Variants in RAB8B observed in about 807,000 individuals in gnomAD.
RAB8B encodes the protein RAB8B, member RAS oncogene family.
A neutral mutation model predicts 32.0 loss-of-function variants in RAB8B; 11 were observed. The ratio of observed to expected loss-of-function variants is 0.34; its 90% CI spans 0.22 to 0.57. The LOEUF (loss-of-function observed/expected upper bound fraction) is 0.57, where lower values mean the gene tolerates loss of function less well. Among genes scored for constraint, RAB8B ranks in the 20% least tolerant of loss-of-function variants. The pLI is 0.86. For missense variants in RAB8B, 190 were observed against 258.5 expected, an observed-to-expected ratio of 0.73 and a Z score of 1.82; for synonymous variants, 103 against 89.6, an observed-to-expected ratio of 1.15 and a Z score of -0.85.
rs2037536145 is a variant in RAB8B, at chr15:63,189,624, G to T, written c.-1G>T. ...CCCGGTCAGAGGGCCGGAGCGAGAA[G>T]ATGGCGAAGACGTACGATTATCTCT... On this transcript the variant is annotated 5_prime_UTR_variant, in exon 1 of 8. Transcript: ENST00000321437. 6.2e-7 allele frequency: 1 copy of T among 1,613,632 alleles called. No individual in the cohort carries two copies. The highest frequency in any genetic ancestry group is 1.3e-5 in the African/African-American group (1 of 74,922).
intron 1 of RAB8B, among the ~76,000 whole-genome samples, chr15:63,218,924 A>G (rs1567012513): frequency 6.6e-6 from 1 of 151,266 alleles, no homozygotes; most frequent in East Asian, 1.9e-4. Flanking sequence ...AGGGGCAGCT[A>G]TATACAAGAC....
chr15:63,244,703 A>G, intron 1 of RAB8B, 53 bp from the exon 2 acceptor site: 1 of 1,395,058 alleles, frequency 7.2e-7, no homozygotes, highest in South Asian at 1.2e-5. Context: ...TCCTAATGAG[A>G]CTTGGATTAT....
chr15:63,265,066 CAG>C lies in RAB8B; in HGVS notation c.*1448_*1449del, dbSNP rs200491248. 1,043 of 152,562 alleles carry C rather than the reference CAG, an allele frequency of 6.8e-3. 3 individuals are homozygous for C. The highest frequency in any genetic ancestry group is 9.5e-3 in the Non-Finnish European group (646 of 67,998). 9.5% of individuals were successfully genotyped at this position (152,562 alleles called of 1,614,324 possible). A position where few individuals can be genotyped will look rare whatever the true frequency, so the allele number is the denominator to read the frequency against. On this transcript the variant is annotated 3_prime_UTR_variant, in exon 8 of 8. Transcript: ENST00000321437. This position sits in a 1 kb window ranked among gnomAD's most constrained non-coding sequence, Gnocchi z 4.9. ...TGCTCTAGCCTTCAGTGTCATAACA[CAG>C]GGGGGATAAAACAGAGGGGATGAGG...
At chr15:63,196,688 C>T (rs1262587600) in intron 1 of RAB8B, among the ~76,000 whole-genome samples, 1 of 152,214 alleles carries the variant, frequency 6.6e-6, no homozygotes, top group African/African-American at 2.4e-5. Flanking sequence ...TTACTATTCT[C>T]TTTCACAGTA....
chr15:63,230,259 A>G (rs542686345), intron 1 of RAB8B, among the ~76,000 whole-genome samples: 2 of 152,152 alleles, frequency 1.3e-5, no homozygotes, highest in African/African-American at 2.4e-5. Flanking sequence ...GAACGCTGGA[A>G]GTTTGCAGTT....
At chr15:63,204,087 T>G (rs2037676998) in intron 1 of RAB8B, among the ~76,000 whole-genome samples, 1 of 151,038 alleles carries the variant, frequency 6.6e-6, no homozygotes, top group African/African-American at 2.4e-5. Context: ...GGTGAGGTGT[T>G]TTTTTTTTAA....
intron 1 of RAB8B, among the ~76,000 whole-genome samples, chr15:63,227,666 C>G (rs1402362221): frequency 2.0e-5 from 3 of 152,094 alleles, no homozygotes; most frequent in Non-Finnish European, 4.4e-5. Context: ...CCTCTGAACC[C>G]CTGGATTTGT....
At chr15:63,196,683 A>AT (rs2037602461) in intron 1 of RAB8B, among the ~76,000 whole-genome samples, 1 of 152,228 alleles carries the variant, frequency 6.6e-6, no homozygotes, top group African/African-American at 2.4e-5. Context: ...ATTTGTTACT[A>AT]TTCTCTTTCA....
chr15:63,251,969 A>C (rs1029610652), intron 3 of RAB8B, among the ~76,000 whole-genome samples: 1 of 152,050 alleles, frequency 6.6e-6, no homozygotes, highest in Non-Finnish European at 1.5e-5. Flanking sequence ...ATGGCATTTC[A>C]AACACATCAA....
At chr15:63,226,839 G>A (rs1274184991) in intron 1 of RAB8B, among the ~76,000 whole-genome samples, 1 of 152,174 alleles carries the variant, frequency 6.6e-6, no homozygotes, top group Non-Finnish European at 1.5e-5. Context: ...CTACTCCATA[G>A]ACAGAGCTGC....
chr15:63,191,581 C>T (rs2037556344), intron 1 of RAB8B, among the ~76,000 whole-genome samples: 1 of 152,192 alleles, frequency 6.6e-6, no homozygotes, highest in Admixed American at 6.5e-5. Context: ...TAATTTTTGA[C>T]ATTTGTATTA....
chr15:63,197,863 T>C (rs1028721602), intron 1 of RAB8B, among the ~76,000 whole-genome samples: 8 of 152,140 alleles, frequency 5.3e-5, no homozygotes. Context: ...ATGTCTGCCA[T>C]GGACAGTAGG....
intron 1 of RAB8B, among the ~76,000 whole-genome samples, chr15:63,191,444 T>C (rs1208100492): frequency 6.6e-6 from 1 of 152,218 alleles, no homozygotes; most frequent in African/African-American, 2.4e-5. Context: ...AAGTTTGAAT[T>C]GCAAGTTCTT....
chr15:63,224,650 T>C (rs535243382), intron 1 of RAB8B, among the ~76,000 whole-genome samples: 2 of 152,328 alleles, frequency 1.3e-5, no homozygotes, highest in African/African-American at 2.4e-5. Context: ...CATAATAAAA[T>C]GGCTGTGCTA....
chr15:63,212,317 G>T (rs1489231143), intron 1 of RAB8B, among the ~76,000 whole-genome samples: 2 of 152,198 alleles, frequency 1.3e-5, no homozygotes, highest in Admixed American at 6.5e-5. Flanking sequence ...AACATCCGGG[G>T]TTGTGAGATA....
At chr15:63,251,146 T>C in intron 3 of RAB8B, 1 of 398,800 alleles carries the variant, frequency 2.5e-6, no homozygotes, top group South Asian at 1.9e-5. Context: ...TATAATACTT[T>C]TAAGATTGTG....
rs1406415101 is a variant in RAB8B, at chr15:63,267,742, C to T, written c.*4123C>T. 1 of 151,394 alleles carries T rather than the reference C, an allele frequency of 6.6e-6. No individual in the cohort carries two copies. Among genetic ancestry groups the T allele is most frequent in the Admixed American group, 6.6e-5 (1 of 15,182 alleles). 9.4% of individuals were successfully genotyped at this position (151,394 alleles called of 1,614,324 possible). A position where few individuals can be genotyped will look rare whatever the true frequency, so the allele number is the denominator to read the frequency against. ...TGAACTTTTTTTTTATAATAATGTT[C>T]GTCTAAAATAAAAACTACATAATGA... On this transcript the variant is annotated 3_prime_UTR_variant, in exon 8 of 8. Coordinates refer to ENST00000321437, the MANE Select transcript of RAB8B (RefSeq NM_016530.3).
intron 1 of RAB8B, chr15:63,222,915 G>C (rs1176869031): frequency 9.6e-6 from 3 of 313,812 alleles, no homozygotes; most frequent in Non-Finnish European, 1.9e-5. Context: ...TTGTACTACA[G>C]TTACCTTATT....
chr15:63,255,478 C>T, intron 3 of RAB8B, 29 bp from the exon 4 acceptor site: 1 of 1,448,790 alleles, frequency 6.9e-7, no homozygotes, highest in South Asian at 1.2e-5. Context: ...ATATAAAGTA[C>T]TAAATAAAGA....
Sources: gnomAD v4.1 joint callset for allele counts (sites outside exome capture counted in the v4.1 genomes callset) on GRCh38, gnomAD v4.1.1 for gene constraint, Gnocchi (gnomAD v3.1) non-coding constraint, MANE v1.5 for transcripts, NCBI Gene and HGNC (gene_info 2026-07-23, HGNC 2026-07-21) for gene names.